The following GALNT2 variants were observed in gnomAD, a reference collection of about 807,000 sequenced individuals.
GALNT2 encodes the protein polypeptide N-acetylgalactosaminyltransferase 2.
Under a neutral mutation model 81.4 loss-of-function variants are expected in GALNT2, and 31 were observed. The observed-to-expected ratio is 0.38, with a 90% confidence interval of 0.29 to 0.51. The LOEUF is 0.51. Ranked by LOEUF, GALNT2 falls within the 20% of genes least tolerant of loss-of-function variation. The probability of loss-of-function intolerance (pLI) is 0.87; values close to 1 mark genes in which losing one functional copy is unlikely to be tolerated. For synonymous variants in GALNT2, 303 were observed against 287.4 expected, an observed-to-expected ratio of 1.05 and a Z score of -0.55; for missense variants, 629 against 765.7, an observed-to-expected ratio of 0.82 and a Z score of 2.11.
At chr1:230,119,855 C>G (rs1369967668) in intron 1 of GALNT2, among the ~76,000 whole-genome samples, 1 of 152,154 alleles carries the variant, frequency 6.6e-6, no homozygotes, top group Non-Finnish European at 1.5e-5. Context: ...CAGCTTTGGT[C>G]AGTGAAAGCT....
rs1322311027 is a variant in GALNT2, at chr1:230,159,731, C to T, written c.127-18487C>T. On this transcript the variant is annotated intron_variant, in intron 1 of 15. Transcript: ENST00000366672. ...TGTCTCATGCAGGCCAAGTGCCTGT[C>T]GGTCAGCTTGAGGGAGAAGATACCT... Among the ~76,000 whole-genome samples the T allele has an allele frequency of 2.6e-5, 4 of 152,216 alleles. No individual in the cohort carries two copies. In the East Asian group the frequency reaches 7.7e-4, roughly 29 times the overall value.
At chr1:230,220,713 G>A (rs897341554) in intron 3 of GALNT2, among the ~76,000 whole-genome samples, 1 of 152,168 alleles carries the variant, frequency 6.6e-6, no homozygotes, top group African/African-American at 2.4e-5. Context: ...GCCATCAAAC[G>A]AAGGTACTTT....
intron 3 of GALNT2, among the ~76,000 whole-genome samples, chr1:230,212,458 T>C (rs1664262849): frequency 6.6e-6 from 1 of 152,160 alleles, no homozygotes; most frequent in Admixed American, 6.5e-5. Flanking sequence ...AGAAAATGTA[T>C]TGGAAGAGTG....
At chr1:230,090,089 A>T (rs529743441) in intron 1 of GALNT2, among the ~76,000 whole-genome samples, 1 of 152,212 alleles carries the variant, frequency 6.6e-6, no homozygotes, top group Non-Finnish European at 1.5e-5. Flanking sequence ...AGCCATCCTA[A>T]TGGATATGAA....
chr1:230,195,666 A>C (rs558446470), intron 2 of GALNT2, among the ~76,000 whole-genome samples: 1 of 152,232 alleles, frequency 6.6e-6, no homozygotes, highest in East Asian at 1.9e-4. Flanking sequence ...GGGGTTGCCG[A>C]TGGGACTGAC....
At chr1:230,187,152 T>C (rs552462090) in intron 2 of GALNT2, among the ~76,000 whole-genome samples, 2 of 152,292 alleles carry the variant, frequency 1.3e-5, no homozygotes, top group East Asian at 3.9e-4. Flanking sequence ...CAGAACCCAC[T>C]GACAGATGAA....
At position 230,139,758 on chromosome 1, in the gene GALNT2, G is replaced by C. The variant is rs527710323; in HGVS notation, c.127-38460G>C. Among the ~76,000 whole-genome samples the C allele has an allele frequency of 1.4e-4, 21 of 152,374 alleles. No individual in the cohort carries two copies. The South Asian group carries it at 4.1e-3, about 30-fold the overall frequency. The stretch of plus-strand genomic sequence containing the variant: ...CATGGACTAAGGGGTAAGGAAGGAT[G>C]AACTGGTGTATTAAAGGAAATCCAG... On this transcript the variant is annotated intron_variant, in intron 1 of 15. Coordinates refer to ENST00000366672, the MANE Select transcript of GALNT2 (RefSeq NM_004481.5).
intron 1 of GALNT2, among the ~76,000 whole-genome samples, chr1:230,089,023 G>GT (rs1476696078): frequency 6.6e-6 from 1 of 152,068 alleles, no homozygotes; most frequent in East Asian, 1.9e-4. Context: ...TAGTGTCTGA[G>GT]TTCTTCCACT....
intron 2 of GALNT2, among the ~76,000 whole-genome samples, chr1:230,196,285 G>A (rs1663692863): frequency 6.6e-6 from 1 of 152,160 alleles, no homozygotes; most frequent in South Asian, 2.1e-4. Context: ...CAGCCCAAGT[G>A]CCCTTTCTCC....
At chr1:230,265,926 G>A (rs990176421) in intron 14 of GALNT2, among the ~76,000 whole-genome samples, 30 of 152,322 alleles carry the variant, frequency 2.0e-4, no homozygotes, top group Middle Eastern at 3.4e-3. Context: ...GCGCCGTGGC[G>A]CACGCCTGTA....
At chr1:230,225,857 C>T (rs1036933699) in intron 3 of GALNT2, among the ~76,000 whole-genome samples, 17 of 152,156 alleles carry the variant, frequency 1.1e-4, no homozygotes, top group Non-Finnish European at 2.9e-5. Context: ...CTGTATAAGC[C>T]TTGCCTTCAG....
intron 1 of GALNT2, among the ~76,000 whole-genome samples, chr1:230,141,445 C>T (rs968282368): frequency 3.3e-5 from 5 of 152,148 alleles, no homozygotes; most frequent in African/African-American, 9.7e-5. Context: ...AACACTGACT[C>T]CCTTCTCCCC....
intron 1 of GALNT2, among the ~76,000 whole-genome samples, chr1:230,170,621 A>G (rs1161458123): frequency 6.6e-6 from 1 of 152,194 alleles, no homozygotes; most frequent in Non-Finnish European, 1.5e-5. Context: ...TTTAGAAAGA[A>G]AAAAGGTTTA....
chr1:230,118,788 A>G (rs1660927766), intron 1 of GALNT2, among the ~76,000 whole-genome samples: 2 of 151,706 alleles, frequency 1.3e-5, no homozygotes, highest in South Asian at 4.2e-4. Context: ...CTCCTCTGTG[A>G]CGCCCTTCCT....
At chr1:230,222,772 C>T (rs768924810) in intron 3 of GALNT2, among the ~76,000 whole-genome samples, 2 of 152,146 alleles carry the variant, frequency 1.3e-5, no homozygotes, top group Admixed American at 6.5e-5. Flanking sequence ...AAGCAATTTA[C>T]ACACATTACT....
upstream of GALNT2, among the ~76,000 whole-genome samples, chr1:230,066,373 GAAAGA>G (rs891528512): frequency 6.6e-6 from 1 of 152,206 alleles, no homozygotes; most frequent in Non-Finnish European, 1.5e-5. Flanking sequence ...CAACGAATGA[GAAAGA>G]AAAGATTTTA....
intron 3 of GALNT2, among the ~76,000 whole-genome samples, chr1:230,219,874 G>C (rs1223346409): frequency 6.6e-6 from 1 of 152,182 alleles, no homozygotes; most frequent in Non-Finnish European, 1.5e-5. Flanking sequence ...TGCTGCCCTT[G>C]CTTGAGACCT....
intron 6 of GALNT2, among the ~76,000 whole-genome samples, chr1:230,239,407 A>G (rs1333173595): frequency 6.6e-6 from 1 of 152,218 alleles, no homozygotes; most frequent in African/African-American, 2.4e-5. Flanking sequence ...CCAAGTCCCA[A>G]AACCTCAAAA....
intron 1 of GALNT2, among the ~76,000 whole-genome samples, chr1:230,092,754 G>T (rs1660132660): frequency 6.6e-6 from 1 of 152,160 alleles, no homozygotes; most frequent in Non-Finnish European, 1.5e-5. Flanking sequence ...TCTCTAAAAA[G>T]ATTCGAGGCC....
Sources: gnomAD v4.1 joint callset for allele counts (sites outside exome capture counted in the v4.1 genomes callset) on GRCh38, gnomAD v4.1.1 for gene constraint, MANE v1.5 for transcripts, NCBI Gene and HGNC (gene_info 2026-07-23, HGNC 2026-07-21) for gene names.